Variants in RGS20 observed in about 807,000 individuals in gnomAD.
RGS20 encodes gz-selective GTPase-activating protein.
Under a neutral mutation model 33.6 loss-of-function variants are expected in RGS20, and 30 were observed. The observed-to-expected ratio is 0.89, with a 90% CI of 0.67 to 1.21. The LOEUF is 1.21. Among genes scored for constraint, RGS20 ranks in the 50% most tolerant of loss-of-function variants. RGS20 has a pLI of 0.00. For missense variants in RGS20, 472 were observed against 502.4 expected (o/e 0.94, Z 0.58); for synonymous variants, 208 against 197.9 (o/e 1.05, Z -0.43).
In RGS20 at chr8:53,948,437, T is replaced by C. The variant is rs555490601; in HGVS notation, c.743+1689T>C. Among the ~76,000 whole-genome samples, 87 of 142,036 alleles carry C rather than the reference T, an allele frequency of 6.1e-4. 2 individuals carry two copies. Among genetic ancestry groups the C allele is most frequent in the African/African-American group, 2.1e-3 (84 of 39,206 alleles). The allele number at this position is 142,036 out of a possible 152,430, so 93.2% of individuals were successfully genotyped here. ...TACATATGCTATATATAAGATACAG[T>C]ATATATTTACATATGCTATATATGA... On this transcript the variant is annotated intron_variant, in intron 4 of 5. Coordinates refer to ENST00000297313, the MANE Select transcript of RGS20 (RefSeq NM_170587.4).
chr8:53,853,527 G>C (rs911681551), intron 1 of RGS20, among the ~76,000 whole-genome samples: 2 of 152,130 alleles, frequency 1.3e-5, no homozygotes, highest in Non-Finnish European at 2.9e-5. Flanking sequence ...GGATGCTACT[G>C]GCTCCTTCAC....
intron 2 of RGS20, chr8:53,880,126 G>A (rs1777456308): frequency 6.5e-6 from 1 of 152,716 alleles, no homozygotes; most frequent in Admixed American, 6.5e-5. Context: ...GGGACGCTGC[G>A]GGCTACGGGG....
chr8:53,879,773 C>A lies in RGS20; in HGVS notation c.510+171C>A, dbSNP rs573992120. ...GGCAAGTCCTAGGACGGGACATTGG[C>A]GGCTCCCGGGACACCGCCCCTCCCC... On this transcript the variant is annotated intron_variant, in intron 2 of 5. Coordinates refer to ENST00000297313, the MANE Select transcript of RGS20 (RefSeq NM_170587.4). 16 of 524,584 alleles carry A rather than the reference C, an allele frequency of 3.1e-5. No individual in the cohort carries two copies. The Admixed American group carries it at 3.2e-4, about 11-fold the overall frequency. The allele number at this position is 524,584 out of a possible 1,614,324, so 32.5% of individuals were successfully genotyped here. A position where few individuals can be genotyped will look rare whatever the true frequency, so the allele number is the denominator to read the frequency against.
intron 1 of RGS20, among the ~76,000 whole-genome samples, chr8:53,864,945 C>T (rs1449126122): frequency 1.3e-5 from 2 of 152,160 alleles, no homozygotes; most frequent in African/African-American, 2.4e-5. Context: ...CCAAGCAAAG[C>T]AGTCTAATTC....
intron 1 of RGS20, among the ~76,000 whole-genome samples, chr8:53,859,457 T>G (rs1028389933): frequency 3.3e-5 from 5 of 152,164 alleles, no homozygotes; most frequent in African/African-American, 1.2e-4. Flanking sequence ...GAAAAATATA[T>G]CTAGTATCAT....
chr8:53,946,835 A>G (rs1814496084), intron 4 of RGS20, 87 bp downstream of exon 3: 1 of 1,088,482 alleles, frequency 9.2e-7, no homozygotes. Context: ...TCAACAGAAC[A>G]CATACTTTCT....
intron 1 of RGS20, among the ~76,000 whole-genome samples, chr8:53,870,323 C>G (rs993054717): frequency 1.3e-5 from 2 of 152,118 alleles, no homozygotes; most frequent in Middle Eastern, 3.2e-3. Flanking sequence ...TAGACACCAG[C>G]TAGACTAGAG....
intron 2 of RGS20, among the ~76,000 whole-genome samples, chr8:53,901,849 C>A (rs1027856346): frequency 2.6e-5 from 4 of 152,100 alleles, no homozygotes; most frequent in Admixed American, 1.3e-4. Flanking sequence ...CAGAGTGAGA[C>A]CCTGTCCCTT....
chr8:53,910,577 C>T (rs1315782285), intron 2 of RGS20, among the ~76,000 whole-genome samples: 1 of 152,100 alleles, frequency 6.6e-6, no homozygotes, highest in East Asian at 1.9e-4. Context: ...ACTATGTGAC[C>T]CAGTGAGTAT....
chr8:53,903,448 G>T (rs1030550910), intron 2 of RGS20, among the ~76,000 whole-genome samples: 2 of 152,134 alleles, frequency 1.3e-5, no homozygotes, highest in Non-Finnish European at 2.9e-5. Flanking sequence ...TCCTAATCTG[G>T]CTATAGCTGC....
At chr8:53,900,910 C>T (rs1380178496) in intron 2 of RGS20, among the ~76,000 whole-genome samples, 5 of 152,126 alleles carry the variant, frequency 3.3e-5, no homozygotes, top group Non-Finnish European at 5.9e-5. Flanking sequence ...ACCCAATATT[C>T]CCACTCGGCC....
intron 4 of RGS20, among the ~76,000 whole-genome samples, chr8:53,953,113 C>T (rs1013485729): frequency 2.0e-5 from 3 of 152,210 alleles, no homozygotes; most frequent in Non-Finnish European, 4.4e-5. Context: ...GTACAATGTA[C>T]ACTATCCCAT....
At chr8:53,852,157 T>C in intron 1 of RGS20, 6 of 1,162,740 alleles carry the variant, frequency 5.2e-6, no homozygotes, top group Non-Finnish European at 7.1e-6. Flanking sequence ...TTTAGTGCCA[T>C]TGCTCACTTA....
intron 1 of RGS20, among the ~76,000 whole-genome samples, chr8:53,852,697 AG>A (rs1811592972): frequency 6.6e-6 from 1 of 152,218 alleles, no homozygotes; most frequent in African/African-American, 2.4e-5. Context: ...ATCTCATAAA[AG>A]GTTACTTGGC....
In RGS20 at chr8:53,851,954, C is replaced by G; in HGVS notation, c.55C>G (p.Pro19Ala). 6.2e-7 allele frequency: 1 copy of G among 1,614,148 alleles called. No homozygotes were observed. The highest frequency in any genetic ancestry group is 8.5e-7 in the Non-Finnish European group (1 of 1,180,024). ...GTGCCTCCAGAAACATTTCTCCAGG[C>G]CGTCTATATGGACACAGTTTCTGCC... The change falls in exon 1 of 6, where the codon CCG becomes GCG. Residue 19 changes from proline (P) to alanine (A), a missense_variant. By Grantham distance (27) the Pro-to-Ala change is conservative. Coordinates refer to ENST00000297313, the MANE Select transcript of RGS20 (RefSeq NM_170587.4).
At chr8:53,954,526 T>C (rs1814804345) in intron 5 of RGS20, among the ~76,000 whole-genome samples, 2 of 151,450 alleles carry the variant, frequency 1.3e-5, no homozygotes, top group South Asian at 4.2e-4. Flanking sequence ...TAGCCTGGTG[T>C]GGTCATGGGC....
chr8:53,928,986 CTTA>C (rs1167221711), intron 2 of RGS20, among the ~76,000 whole-genome samples: 1 of 152,172 alleles, frequency 6.6e-6, no homozygotes, highest in Non-Finnish European at 1.5e-5. Flanking sequence ...CAAGGAATGA[CTTA>C]TTGATATATG....
At chr8:53,902,480 A>C (rs1813057846) in intron 2 of RGS20, among the ~76,000 whole-genome samples, 1 of 152,220 alleles carries the variant, frequency 6.6e-6, no homozygotes, top group Non-Finnish European at 1.5e-5. Context: ...TGGTTACACC[A>C]ATTTACACTC....
At chr8:53,876,848 A>G (rs1428837847) in intron 1 of RGS20, among the ~76,000 whole-genome samples, 4 of 152,090 alleles carry the variant, frequency 2.6e-5, no homozygotes, top group Admixed American at 2.6e-4. Flanking sequence ...TTTTTCTTGG[A>G]TCAGGTTTGG....
Sources: gnomAD v4.1 joint callset for allele counts (sites outside exome capture counted in the v4.1 genomes callset) on GRCh38, gnomAD v4.1.1 for gene constraint, MANE v1.5 for transcripts, NCBI Gene and HGNC (gene_info 2026-07-23, HGNC 2026-07-21) for gene names.